The following VEPH1 variants were observed in gnomAD, a reference collection of about 807,000 sequenced individuals.
The protein encoded by VEPH1 is ventricular zone expressed PH domain containing 1.
A neutral mutation model predicts 85.2 loss-of-function variants in VEPH1; 80 were observed. The ratio of observed to expected loss-of-function variants is 0.94; its 90% confidence interval spans 0.78 to 1.13. The LOEUF is 1.13. Ranked by LOEUF, VEPH1 falls within the 50% of genes most tolerant of loss-of-function variation. VEPH1 has a pLI of 0.00. For synonymous variants in VEPH1, 297 were observed against 348.0 expected, an observed-to-expected ratio of 0.85 and a Z score of 1.63; for missense variants, 955 against 980.5, an observed-to-expected ratio of 0.97 and a Z score of 0.35.
chr3:157,313,471 T>C (rs1333837343), intron 11 of VEPH1, 150 bp downstream of exon 11: 1 of 997,524 alleles, frequency 1.0e-6, no homozygotes, highest in African/African-American at 1.6e-5. Flanking sequence ...CTATACCACG[T>C]GAAAATAATT....
intron 9 of VEPH1, among the ~76,000 whole-genome samples, chr3:157,354,591 T>C (rs1725222266): frequency 6.6e-6 from 1 of 152,166 alleles, no homozygotes; most frequent in African/African-American, 2.4e-5. Flanking sequence ...CCTTCCCCTG[T>C]TACTCTACCT....
chr3:157,281,320 T>A (rs1007496924), intron 12 of VEPH1, among the ~76,000 whole-genome samples: 4 of 152,146 alleles, frequency 2.6e-5, no homozygotes, highest in African/African-American at 4.8e-5. Flanking sequence ...TATTGCAAAG[T>A]ATCTGAACAA....
At position 157,261,157 on chromosome 3, in the gene VEPH1, T is replaced by C. The variant is rs754324227; in HGVS notation, c.2479A>G (p.Arg827Gly). The part of the protein sequence containing the change: ...AVAQAKERES[R>G]EVTTYL ...CCCTACAGATATGTGGTTACTTCTC[T>C]ACTTTCCCTTTCTTTGGCTTGGGCA... Residue 827 changes from arginine to glycine, a missense_variant, in exon 14 of 14, where the codon AGA becomes GGA. Coordinates refer to ENST00000362010, the MANE Select transcript of VEPH1 (RefSeq NM_001167912.2). The C allele has an allele frequency of 2.5e-6, 4 of 1,613,708 alleles. No individual in the cohort carries two copies. The highest frequency in any genetic ancestry group is 3.4e-6 in the Non-Finnish European group (4 of 1,179,750).
At chr3:157,370,281 G>C (rs1727345227) in intron 7 of VEPH1, among the ~76,000 whole-genome samples, 3 of 152,160 alleles carry the variant, frequency 2.0e-5, no homozygotes, top group Admixed American at 6.5e-5. Context: ...AGCTGGCAGG[G>C]GGTGGAAAGA....
chr3:157,497,820 T>C (rs540756727), intron 1 of VEPH1, among the ~76,000 whole-genome samples: 1 of 152,278 alleles, frequency 6.6e-6, no homozygotes, highest in African/African-American at 2.4e-5. Flanking sequence ...ATGCAAAACA[T>C]TGCTTTGGGC....
chr3:157,356,890 C>T (rs1284597829), intron 9 of VEPH1, among the ~76,000 whole-genome samples: 2 of 152,168 alleles, frequency 1.3e-5, no homozygotes, highest in African/African-American at 4.8e-5. Context: ...TTATACTGCA[C>T]TGCATCCCTT....
chr3:157,367,250 G>A (rs1013603310), intron 7 of VEPH1, among the ~76,000 whole-genome samples: 1 of 152,114 alleles, frequency 6.6e-6, no homozygotes, highest in Non-Finnish European at 1.5e-5. Context: ...GCTTGAAAAT[G>A]TTTTTCTTTC....
intron 6 of VEPH1, among the ~76,000 whole-genome samples, chr3:157,387,240 C>T (rs1049294033): frequency 2.0e-5 from 3 of 152,090 alleles, no homozygotes; most frequent in African/African-American, 7.2e-5. Context: ...TAAAGGTGCT[C>T]TGCTATCCTT....
chr3:157,367,621 T>A (rs1726859646), intron 7 of VEPH1, among the ~76,000 whole-genome samples: 1 of 152,204 alleles, frequency 6.6e-6, no homozygotes, highest in Non-Finnish European at 1.5e-5. Context: ...AAGCATAACT[T>A]GTAACCCAAA....
chr3:157,360,827 T>C (rs1725976519), intron 9 of VEPH1, among the ~76,000 whole-genome samples: 1 of 152,142 alleles, frequency 6.6e-6, no homozygotes, highest in African/African-American at 2.4e-5. Flanking sequence ...CAAACCACCA[T>C]AAATCAGGGA....
chr3:157,416,877 AG>A (rs1731956415), intron 5 of VEPH1, among the ~76,000 whole-genome samples: 1 of 150,136 alleles, frequency 6.7e-6, no homozygotes, highest in African/African-American at 2.5e-5. Flanking sequence ...AAAGACAGAC[AG>A]ACAGAAAGAA....
At chr3:157,429,485 C>A (rs530788908) in intron 4 of VEPH1, among the ~76,000 whole-genome samples, 1 of 151,968 alleles carries the variant, frequency 6.6e-6, no homozygotes, top group Non-Finnish European at 1.5e-5. Context: ...TTAACGAAAG[C>A]GTGATTCTGG....
At chr3:157,449,840 A>G (rs1734822643) in intron 4 of VEPH1, among the ~76,000 whole-genome samples, 1 of 151,950 alleles carries the variant, frequency 6.6e-6, no homozygotes, top group South Asian at 2.1e-4. Flanking sequence ...AATTGCTTTC[A>G]ATACACTTTT....
chr3:157,437,674 A>C, intron 4 of VEPH1: 2 of 1,537,578 alleles, frequency 1.3e-6, no homozygotes, highest in Non-Finnish European at 1.7e-6. Flanking sequence ...GCTCGCGGAA[A>C]GCCTGGCGAG....
chr3:157,357,058 TA>T (rs1725524638), intron 9 of VEPH1, among the ~76,000 whole-genome samples: 1 of 152,226 alleles, frequency 6.6e-6, no homozygotes, highest in African/African-American at 2.4e-5. Flanking sequence ...AAAATATATT[TA>T]AAAATATGAA....
intron 11 of VEPH1, among the ~76,000 whole-genome samples, chr3:157,310,561 G>A (rs1428516096): frequency 2.6e-5 from 4 of 152,158 alleles, no homozygotes; most frequent in Non-Finnish European, 2.9e-5. Context: ...GGCAGGTTAC[G>A]CTGCTATAAC....
At chr3:157,293,149 C>T (rs1394302111) in intron 11 of VEPH1, among the ~76,000 whole-genome samples, 1 of 152,020 alleles carries the variant, frequency 6.6e-6, no homozygotes, top group Non-Finnish European at 1.5e-5. Context: ...ACTCATTGGG[C>T]CCAATTTGAA....
chr3:157,333,404 C>G (rs1175710308), intron 9 of VEPH1, among the ~76,000 whole-genome samples: 2 of 152,128 alleles, frequency 1.3e-5, no homozygotes, highest in Non-Finnish European at 2.9e-5. Context: ...GATGTCCAAA[C>G]ATTAAGAATA....
At chr3:157,471,473 GA>G (rs1385227790) in intron 2 of VEPH1, among the ~76,000 whole-genome samples, 1 of 152,114 alleles carries the variant, frequency 6.6e-6, no homozygotes, top group African/African-American at 2.4e-5. Flanking sequence ...AAGGTTTTAC[GA>G]ATGTGAACTC....
Sources: allele counts gnomAD v4.1 joint callset (sites outside exome capture counted in the v4.1 genomes callset), GRCh38; gene constraint gnomAD v4.1.1; transcripts MANE v1.5; gene names NCBI Gene and HGNC (gene_info 2026-07-23, HGNC 2026-07-21).